The following AGBL4 variants were observed in gnomAD, a reference collection of about 807,000 sequenced individuals.
AGBL4 encodes cytosolic carboxypeptidase 6.
Under a neutral mutation model 66.4 loss-of-function variants are expected in AGBL4, and 58 were observed. The ratio of observed to expected loss-of-function variants is 0.87; its 90% CI spans 0.71 to 1.09. The LOEUF (loss-of-function observed/expected upper bound fraction) is 1.09, where lower values mean the gene tolerates loss of function less well. Among genes scored for constraint, AGBL4 ranks in the 50% least tolerant of loss-of-function variants. AGBL4 has a pLI of 0.00. For synonymous variants in AGBL4, 234 were observed against 222.9 expected (o/e 1.05, Z -0.44); for missense variants, 579 against 631.0 (o/e 0.92, Z 0.88).
chr1:49,541,617 C>T (rs982954485), intron 3 of AGBL4, among the ~76,000 whole-genome samples: 1 of 152,170 alleles, frequency 6.6e-6, no homozygotes, highest in African/African-American at 2.4e-5. Flanking sequence ...AGCCTCCCCC[C>T]TGCTGTGGGC....
intron 4 of AGBL4, among the ~76,000 whole-genome samples, chr1:49,072,550 A>C (rs1282503632): frequency 1.3e-5 from 2 of 152,184 alleles, no homozygotes; most frequent in African/African-American, 4.8e-5. Flanking sequence ...TCTTTCCTTT[A>C]GGAATGTTGA....
intron 6 of AGBL4, chr1:48,761,549 A>G (rs1289111372): frequency 7.2e-7 from 1 of 1,393,808 alleles, no homozygotes; most frequent in Non-Finnish European, 9.6e-7. Context: ...CAAAACCTCA[A>G]ATGCTAGAAA....
intron 6 of AGBL4, chr1:48,817,588 A>G (rs1235152006): frequency 6.2e-6 from 1 of 162,332 alleles, no homozygotes; most frequent in Non-Finnish European, 1.3e-5. Context: ...CCCCTGTTCC[A>G]TTTATGCATG....
intron 3 of AGBL4, among the ~76,000 whole-genome samples, chr1:49,412,351 A>G (rs2148628706): frequency 6.6e-6 from 1 of 152,004 alleles, no homozygotes; most frequent in Non-Finnish European, 1.5e-5. Flanking sequence ...AGCTCTTTGG[A>G]CTCTTCTTAT....
At chr1:49,601,598 G>T (rs559728132) in intron 3 of AGBL4, among the ~76,000 whole-genome samples, 6 of 152,178 alleles carry the variant, frequency 3.9e-5, no homozygotes, top group Middle Eastern at 3.4e-3. Flanking sequence ...AACAAGCAAT[G>T]GGGAAAGGAT....
chr1:49,859,746 C>T (rs1374218564), intron 1 of AGBL4, among the ~76,000 whole-genome samples: 2 of 151,758 alleles, frequency 1.3e-5, no homozygotes, highest in African/African-American at 4.8e-5. Flanking sequence ...CAACATCATC[C>T]TAAAGTTTCT....
intron 1 of AGBL4, among the ~76,000 whole-genome samples, chr1:49,970,915 A>G (rs577573209): frequency 1.3e-5 from 2 of 152,282 alleles, no homozygotes; most frequent in African/African-American, 4.8e-5. Context: ...GAAACTATTC[A>G]TCTCTAATCA....
intron 3 of AGBL4, among the ~76,000 whole-genome samples, chr1:49,497,899 A>G (rs1370416126): frequency 6.6e-6 from 1 of 151,880 alleles, no homozygotes; most frequent in African/African-American, 2.4e-5. Flanking sequence ...TGTTTTTTCA[A>G]TTTCTGTGTA....
intron 3 of AGBL4, among the ~76,000 whole-genome samples, chr1:49,602,489 A>G (rs941552428): frequency 2.4e-4 from 36 of 152,322 alleles, no homozygotes; most frequent in Non-Finnish European, 4.0e-4. Flanking sequence ...TGGCACATAT[A>G]TACCATGGAA....
At chr1:49,167,234 G>GT in intron 4 of AGBL4, among the ~76,000 whole-genome samples, 1 of 152,238 alleles carries the variant, frequency 6.6e-6, no homozygotes, top group Non-Finnish European at 1.5e-5. Flanking sequence ...TCTGCCTCTA[G>GT]TTTTCTATTA....
intron 6 of AGBL4, among the ~76,000 whole-genome samples, chr1:48,836,190 C>A (rs936694668): frequency 2.6e-4 from 39 of 151,428 alleles, no homozygotes; most frequent in African/African-American, 9.5e-4. Context: ...ACAGGCAACC[C>A]AGATATGTCT....
intron 5 of AGBL4, among the ~76,000 whole-genome samples, chr1:48,867,680 C>T (rs1484394094): frequency 6.6e-6 from 1 of 152,156 alleles, no homozygotes; most frequent in Non-Finnish European, 1.5e-5. Context: ...TGTACTGCCA[C>T]CCTCCAGATA....
intron 3 of AGBL4, among the ~76,000 whole-genome samples, chr1:49,572,514 T>C (rs1644352203): frequency 6.6e-6 from 1 of 152,228 alleles, no homozygotes; most frequent in Admixed American, 6.5e-5. Flanking sequence ...CAATATTTCA[T>C]TTCACTGATT....
intron 1 of AGBL4, among the ~76,000 whole-genome samples, chr1:50,012,503 TAATA>T (rs1557659939): frequency 6.6e-6 from 1 of 152,098 alleles, no homozygotes; most frequent in Non-Finnish European, 1.5e-5. Context: ...TTTTAATTTT[TAATA>T]AATAAATAAG....
chr1:49,002,054 T>A (rs1474200648), intron 5 of AGBL4, among the ~76,000 whole-genome samples: 1 of 152,222 alleles, frequency 6.6e-6, no homozygotes, highest in Non-Finnish European at 1.5e-5. Flanking sequence ...TAGAGTGTAA[T>A]AAGTGATATT....
chr1:48,560,345 C>G (rs1182760448), intron 11 of AGBL4, among the ~76,000 whole-genome samples: 1 of 152,138 alleles, frequency 6.6e-6, no homozygotes, highest in East Asian at 1.9e-4. Flanking sequence ...ATACCCCATG[C>G]CTTGGGCCAC....
In AGBL4 at chr1:49,877,034, A is replaced by C. The variant is rs1469867704; in HGVS notation, c.35-25516T>G. Among the ~76,000 whole-genome samples the C allele has an allele frequency of 1.3e-4, 20 of 151,900 alleles. No individual in the cohort carries two copies. In the South Asian group the frequency reaches 3.6e-3, roughly 27 times the overall value. On this transcript the variant is annotated intron_variant, in intron 1 of 13. Coordinates refer to ENST00000371839, the MANE Select transcript of AGBL4 (RefSeq NM_032785.4). ...GTATCCTGAGACTTTGCTGAAGTTG[A>C]TTATCAGCTTAAGGAGATTTTGGGC... is the stretch of plus-strand genomic sequence containing the variant.
intron 3 of AGBL4, among the ~76,000 whole-genome samples, chr1:49,288,488 A>G (rs954247715): frequency 2.6e-5 from 4 of 152,190 alleles, no homozygotes; most frequent in Non-Finnish European, 5.9e-5. Flanking sequence ...CAGGGATGTC[A>G]AGGCCATTGC....
At chr1:49,232,191 A>C (rs906602602) in intron 4 of AGBL4, among the ~76,000 whole-genome samples, 2 of 152,202 alleles carry the variant, frequency 1.3e-5, no homozygotes, top group Non-Finnish European at 2.9e-5. Context: ...AAAAACCATT[A>C]AATGTACACT....
Sources: gnomAD v4.1 joint callset for allele counts (sites outside exome capture counted in the v4.1 genomes callset) on GRCh38, gnomAD v4.1.1 for gene constraint, MANE v1.5 for transcripts, NCBI Gene and HGNC (gene_info 2026-07-23, HGNC 2026-07-21) for gene names.